The following TMEM217 variants were observed in gnomAD, a reference collection of about 807,000 sequenced individuals.
TMEM217 encodes chromosome 6 open reading frame 128.
For synonymous variants in TMEM217, 76 were observed against 88.3 expected, an observed-to-expected ratio of 0.86 and a Z score of 0.78; for missense variants, 204 against 248.8, an observed-to-expected ratio of 0.82 and a Z score of 1.21.
At chr6:37,243,823 T>C (rs1415511284) in intron 1 of TMEM217, among the ~76,000 whole-genome samples, 1 of 152,094 alleles carries the variant, frequency 6.6e-6, no homozygotes, top group Non-Finnish European at 1.5e-5. Flanking sequence ...TGCTGACTGG[T>C]GGGGAATGCC....
chr6:37,226,593 G>A (rs915942431), intron 1 of TMEM217, among the ~76,000 whole-genome samples: 2 of 144,608 alleles, frequency 1.4e-5, no homozygotes, highest in Admixed American at 6.9e-5. Context: ...CACTGCGCCC[G>A]GCCGAGACAG....
intron 1 of TMEM217, among the ~76,000 whole-genome samples, chr6:37,249,255 T>C (rs1765258796): frequency 6.6e-6 from 1 of 152,346 alleles, no homozygotes; most frequent in East Asian, 1.9e-4. Context: ...ATTTGTGCCA[T>C]GCAGAAATTT....
chr6:37,250,463 G>A (rs1283711896), intron 1 of TMEM217, among the ~76,000 whole-genome samples: 1 of 152,212 alleles, frequency 6.6e-6, no homozygotes, highest in Non-Finnish European at 1.5e-5. Flanking sequence ...AGGATGTGGA[G>A]CAATGTAAAC....
At chr6:37,215,114 CTT>C (rs1165845424), downstream of TMEM217, 21 of 1,568,514 alleles carry the variant, frequency 1.3e-5, no homozygotes, top group East Asian at 6.9e-5. Flanking sequence ...GCACCTCTCT[CTT>C]GGGTCACTAT....
At chr6:37,251,077 G>T (rs1205210577) in intron 1 of TMEM217, among the ~76,000 whole-genome samples, 1 of 152,236 alleles carries the variant, frequency 6.6e-6, no homozygotes, top group African/African-American at 2.4e-5. Context: ...CAGGAAATGG[G>T]CCCTCACCAG....
intron 1 of TMEM217, among the ~76,000 whole-genome samples, chr6:37,236,607 A>G (rs6917628): frequency 0.068 from 10,378 of 152,108 alleles, 1,147 homozygotes; most frequent in African/African-American, 0.23. Context: ...TTTACTGTGA[A>G]TTTATTCTCT....
chr6:37,215,607 G>C (rs890524817), downstream of TMEM217, among the ~76,000 whole-genome samples: 1 of 113,482 alleles, frequency 8.8e-6, no homozygotes, highest in East Asian at 2.4e-4. Flanking sequence ...AAAAAGAAAA[G>C]AAAAAAGAAA....
intron 1 of TMEM217, among the ~76,000 whole-genome samples, chr6:37,237,307 C>A (rs1277319404): frequency 6.6e-6 from 1 of 152,182 alleles, no homozygotes. Context: ...AGTGAATTGA[C>A]ATTCTCTGCC....
chr6:37,214,571 A>G (rs907161834), downstream of TMEM217, among the ~76,000 whole-genome samples: 21 of 152,060 alleles, frequency 1.4e-4, no homozygotes, highest in African/African-American at 4.8e-4. Context: ...CTCTGTACCC[A>G]TTATAAACAT....
chr6:37,240,659 G>A (rs994549848), intron 1 of TMEM217, among the ~76,000 whole-genome samples: 1 of 152,154 alleles, frequency 6.6e-6, no homozygotes, highest in African/African-American at 2.4e-5. Flanking sequence ...CAGGATTATT[G>A]AGGCAAACTT....
At chr6:37,227,005 AT>A (rs374254965) in intron 1 of TMEM217, among the ~76,000 whole-genome samples, 13 of 152,370 alleles carry the variant, frequency 8.5e-5, no homozygotes, top group African/African-American at 3.1e-4. Context: ...CAATAAGGTT[AT>A]TGAGTGTTAG....
chr6:37,229,225 T>A (rs998158081), intron 1 of TMEM217, among the ~76,000 whole-genome samples: 5 of 151,758 alleles, frequency 3.3e-5, no homozygotes, highest in Middle Eastern at 3.4e-3. Flanking sequence ...TACTAACAAC[T>A]ATTCAGCATT....
chr6:37,212,699 T>C (rs1402848281), downstream of TMEM217: 3 of 630,988 alleles, frequency 4.8e-6, no homozygotes, highest in Non-Finnish European at 8.9e-6. Flanking sequence ...ATGATCCACA[T>C]GGCATAGATC....
chr6:37,218,807 G>A (rs1763365184), exon 2 of TMEM217: 3 of 1,614,098 alleles, frequency 1.9e-6, no homozygotes, highest in South Asian at 2.2e-5. Context: ...GATGAGGATG[G>A]TGATGAAAGA....
chr6:37,243,314 G>A (rs1349744172), intron 1 of TMEM217, among the ~76,000 whole-genome samples: 1 of 152,208 alleles, frequency 6.6e-6, no homozygotes, highest in Non-Finnish European at 1.5e-5. Flanking sequence ...TTTCTGTGCA[G>A]CTGAGTGTGG....
chr6:37,257,583 C>T (rs1163442882), exon 1 of TMEM217: 1 of 377,892 alleles, frequency 2.6e-6, no homozygotes, highest in East Asian at 5.4e-5. Context: ...TCTTCCCTCT[C>T]GCGGGTAGGA....
intron 1 of TMEM217, among the ~76,000 whole-genome samples, chr6:37,222,645 C>G (rs931360673): frequency 6.6e-6 from 1 of 152,220 alleles, no homozygotes; most frequent in African/African-American, 2.4e-5. Context: ...TGCCTATTCC[C>G]GGCCCTCCTC....
Position 37,219,478 on chromosome 6 carries a change from T to A in TMEM217, c.-11-437A>T, listed in dbSNP as rs1247433182. Among the ~76,000 whole-genome samples, 3 of 152,188 alleles carry A rather than the reference T, an allele frequency of 2.0e-5. No homozygotes were observed. In the South Asian group the frequency reaches 6.2e-4, roughly 31 times the overall value. The stretch of plus-strand genomic sequence containing the variant: ...GCTCTTAGCTGGGCACAGTGGCTCA[T>A]GCCTGTAATCCCAGTACTTTGGGAG... On this transcript the variant is annotated intron_variant, in intron 1 of 1. Transcript: ENST00000357219.
At chr6:37,213,864 C>T (rs1464412834), downstream of TMEM217, among the ~76,000 whole-genome samples, 3 of 152,246 alleles carry the variant, frequency 2.0e-5, no homozygotes, top group Non-Finnish European at 4.4e-5. Flanking sequence ...TCATCATTCA[C>T]TACACTGGCG....
Sources: gnomAD v4.1 joint callset for allele counts (sites outside exome capture counted in the v4.1 genomes callset) on GRCh38, gnomAD v4.1.1 for gene constraint, MANE v1.5 for transcripts, NCBI Gene and HGNC (gene_info 2026-07-23, HGNC 2026-07-21) for gene names.